The following ATRNL1 variants were observed in gnomAD, a reference collection of about 807,000 sequenced individuals.
ATRNL1 encodes the protein attractin-like protein 1.
ATRNL1 carries 95 observed loss-of-function variants against 182.7 expected under a neutral mutation model. The ratio of observed to expected loss-of-function variants is 0.52; its 90% CI spans 0.44 to 0.62. The LOEUF is 0.62. ATRNL1 is among the 20% of genes least tolerant of loss of function. The probability of loss-of-function intolerance (pLI) is 0.00; values close to 1 mark genes in which losing one functional copy is unlikely to be tolerated. For missense variants in ATRNL1, 1,471 were observed against 1,679.5 expected (o/e 0.88, Z 2.17); for synonymous variants, 576 against 568.3 (o/e 1.01, Z -0.19).
chr10:115,758,535 A>G (rs1555072667), intron 27 of ATRNL1, among the ~76,000 whole-genome samples: 1 of 152,196 alleles, frequency 6.6e-6, no homozygotes, highest in Non-Finnish European at 1.5e-5. Context: ...GATGCCAGCC[A>G]GAGCTCTCCT....
intron 17 of ATRNL1, among the ~76,000 whole-genome samples, chr10:115,306,846 G>A (rs574623521): frequency 3.3e-5 from 5 of 152,174 alleles, no homozygotes; most frequent in African/African-American, 1.2e-4. Context: ...ATTATACAGT[G>A]CAAATATAAA....
At chr10:115,615,600 C>G (rs1488376715) in intron 26 of ATRNL1, among the ~76,000 whole-genome samples, 2 of 152,022 alleles carry the variant, frequency 1.3e-5, no homozygotes, top group African/African-American at 4.8e-5. Flanking sequence ...GGAGGTAGGT[C>G]CTGGTTGGAG....
chr10:115,112,782 A>G (rs1304759511), intron 1 of ATRNL1, among the ~76,000 whole-genome samples: 1 of 152,340 alleles, frequency 6.6e-6, no homozygotes, highest in East Asian at 1.9e-4. Flanking sequence ...CATCTTGTTC[A>G]TTCTCTAATT....
intron 10 of ATRNL1, among the ~76,000 whole-genome samples, chr10:115,253,009 A>G (rs1347459001): frequency 1.3e-5 from 2 of 152,170 alleles, no homozygotes; most frequent in East Asian, 1.9e-4. Flanking sequence ...CTAGCCTGGC[A>G]ATGTATGATC....
chr10:115,326,070 CA>C (rs1307473774), intron 18 of ATRNL1, among the ~76,000 whole-genome samples: 2 of 151,688 alleles, frequency 1.3e-5, no homozygotes, highest in Non-Finnish European at 3.0e-5. Context: ...TTCTATGAAA[CA>C]GTACCTTGCC....
chr10:115,485,783 G>A (rs1848990664), intron 24 of ATRNL1, among the ~76,000 whole-genome samples: 1 of 151,930 alleles, frequency 6.6e-6, no homozygotes, highest in African/African-American at 2.4e-5. Flanking sequence ...TGGGGTACAT[G>A]TGCAGAATGT....
At chr10:115,423,576 A>G (rs1845743080) in intron 20 of ATRNL1, among the ~76,000 whole-genome samples, 1 of 152,296 alleles carries the variant, frequency 6.6e-6, no homozygotes, top group South Asian at 2.1e-4. Flanking sequence ...TAAAAATTTA[A>G]AAAGACACAC....
chr10:115,147,785 G>A lies in ATRNL1; in HGVS notation c.830-12255G>A, dbSNP rs554614808. On this transcript the variant is annotated intron_variant, in intron 5 of 28. Coordinates refer to ENST00000355044, the MANE Select transcript of ATRNL1 (RefSeq NM_207303.4). ...GAAATCAGTGAGTATAAATATGTAG[G>A]TTTATTCTTTCACTATTATGTTTCA... Among the ~76,000 whole-genome samples the A allele has an allele frequency of 2.6e-5, 4 of 151,748 alleles. 1 individual carries two copies. In the East Asian group the frequency reaches 7.8e-4, roughly 29 times the overall value.
rs1852353726 is a variant in ATRNL1, at chr10:115,281,377, G to A, written c.2123G>A (p.Cys708Tyr). The A allele has an allele frequency of 1.2e-6, 2 of 1,612,796 alleles. No individual in the cohort carries two copies. Among genetic ancestry groups the A allele is most frequent in the East Asian group, 2.2e-5 (1 of 44,720 alleles). ...TAGTCTGTCAAGAACTACACCAAAT[G>A]TCATGTGAGAAATGAGCAGATTTGT... ...CSMSVKNYTK[C>Y]HVRNEQICNK... Residue 708 changes from cysteine to tyrosine, a missense_variant, in exon 14 of 29, where the codon TGT becomes TAT. Cys to Tyr is a radical substitution (Grantham distance 194). Coordinates refer to ENST00000355044, the MANE Select transcript of ATRNL1 (RefSeq NM_207303.4).
intron 26 of ATRNL1, among the ~76,000 whole-genome samples, chr10:115,626,771 T>A (rs1555024763): frequency 6.6e-6 from 1 of 152,182 alleles, no homozygotes; most frequent in Non-Finnish European, 1.5e-5. Flanking sequence ...AAAATTTATT[T>A]TTCAAACTCA....
At chr10:115,104,052 A>T (rs12264153) in intron 1 of ATRNL1, among the ~76,000 whole-genome samples, 3,806 of 152,244 alleles carry the variant, frequency 0.025, 159 homozygotes, top group African/African-American at 0.086. Flanking sequence ...CTTTTAGGTA[A>T]ATACCTAGCA....
At chr10:115,177,873 G>GT (rs34650029) in intron 8 of ATRNL1, among the ~76,000 whole-genome samples, 39,860 of 93,692 alleles carry the variant, frequency 0.43, 6,786 homozygotes, top group African/African-American at 0.49. Flanking sequence ...AGGGAGCTGT[G>GT]TTTTTTTTTT....
At position 115,499,583 on chromosome 10, in the gene ATRNL1, A is replaced by G. The variant is rs1471422564; in HGVS notation, c.3655-19680A>G. Among the ~76,000 whole-genome samples the G allele has an allele frequency of 2.6e-5, 4 of 152,178 alleles. No individual in the cohort carries two copies. In the South Asian group the frequency reaches 8.3e-4, roughly 32 times the overall value. On this transcript the variant is annotated intron_variant, in intron 24 of 28. Coordinates refer to ENST00000355044, the MANE Select transcript of ATRNL1 (RefSeq NM_207303.4). ...TTTTAGGGAGACATAAGACATTAAC[A>G]TATGTAAGATGAACATTGATTCAGT... is the stretch of plus-strand genomic sequence containing the variant.
chr10:115,408,202 A>C, intron 20 of ATRNL1, among the ~76,000 whole-genome samples: 1 of 149,054 alleles, frequency 6.7e-6, no homozygotes, highest in African/African-American at 2.5e-5. Context: ...ACGGGGTTTC[A>C]CCTTGTTAGC....
intron 19 of ATRNL1, among the ~76,000 whole-genome samples, chr10:115,347,443 C>A (rs542839678): frequency 1.8e-4 from 28 of 152,074 alleles, no homozygotes; most frequent in Non-Finnish European, 3.5e-4. Flanking sequence ...GTAGTAATGT[C>A]TAAAATCAAT....
chr10:115,714,817 ATATAT>A (rs1320623503), intron 26 of ATRNL1, among the ~76,000 whole-genome samples: 1 of 151,800 alleles, frequency 6.6e-6, no homozygotes, highest in Admixed American at 6.6e-5. Context: ...TGGAAAGGAA[ATATAT>A]TAGAATAAAG....
Position 115,868,822 on chromosome 10 carries a change from C to CTTTTTTTTTTTTTTTTTTTTTTTTTTT in ATRNL1, c.4018+20856_4018+20857insTTTTTTTTTTTTTTTTTTTTTTTTTTT, listed in dbSNP as rs67676674. Among the ~76,000 whole-genome samples the CTTTTTTTTTTTTTTTTTTTTTTTTTTT allele has an allele frequency of 1.7e-4, 10 of 58,092 alleles. 3 individuals are homozygous for CTTTTTTTTTTTTTTTTTTTTTTTTTTT. Among genetic ancestry groups the CTTTTTTTTTTTTTTTTTTTTTTTTTTT allele is most frequent in the Non-Finnish European group, 3.2e-4 (10 of 31,534 alleles). The allele number at this position is 58,092 out of a possible 152,430, so 38.1% of individuals were successfully genotyped here. On this transcript the variant is annotated intron_variant, in intron 28 of 28. Coordinates refer to ENST00000355044, the MANE Select transcript of ATRNL1 (RefSeq NM_207303.4). ...ATATATCTGGTGGCAAGTCTTTATT[C>CTTTTTTTTTTTTTTTTTTTTTTTTTTT]TTTTTTTTTTTTTTTTTTTTTTTTT...
At chr10:115,893,556 G>T (rs142203746) in intron 28 of ATRNL1, among the ~76,000 whole-genome samples, 1 of 152,206 alleles carries the variant, frequency 6.6e-6, no homozygotes, top group African/African-American at 2.4e-5. Flanking sequence ...TTTATATCTT[G>T]CCTTCTTCTG....
chr10:115,863,346 T>C (rs1589618754), intron 28 of ATRNL1, among the ~76,000 whole-genome samples: 2 of 152,302 alleles, frequency 1.3e-5, no homozygotes, highest in Non-Finnish European at 2.9e-5. Context: ...ATTTTGACTA[T>C]ATACTGTAAC....
Sources: gnomAD v4.1 joint callset for allele counts (sites outside exome capture counted in the v4.1 genomes callset) on GRCh38, gnomAD v4.1.1 for gene constraint, MANE v1.5 for transcripts, NCBI Gene and HGNC (gene_info 2026-07-23, HGNC 2026-07-21) for gene names.